The following PUM2 variants were observed in gnomAD, a reference collection of about 807,000 sequenced individuals.
PUM2 encodes pumilio homolog 2.
Under a neutral mutation model 124.5 loss-of-function variants are expected in PUM2, and 57 were observed. The ratio of observed to expected loss-of-function variants is 0.46; its 90% CI spans 0.37 to 0.57. PUM2 has a LOEUF of 0.57. Ranked by LOEUF, PUM2 falls within the 20% of genes least tolerant of loss-of-function variation. The pLI is 0.00. For synonymous variants in PUM2, 460 were observed against 446.1 expected, an observed-to-expected ratio of 1.03 and a Z score of -0.39; for missense variants, 1,065 against 1,290.6, an observed-to-expected ratio of 0.83 and a Z score of 2.68.
rs1686032841 is a variant in PUM2 at position 20,336,395 on chromosome 2, G to T, written c.-18-9017C>A. ...AGACAGGGTTTTGCCATGTTGCCCA[G>T]GCTGGTCTTGAACTCCTGAACTCAA... On this transcript the variant is annotated intron_variant, in intron 1 of 20. Coordinates refer to ENST00000361078, the MANE Select transcript of PUM2 (RefSeq NM_015317.5). 3.3e-5 allele frequency among the ~76,000 whole-genome samples: 5 copies of T among 152,124 alleles called. 2 individuals are homozygous for T. The South Asian group carries it at 1.0e-3, about 32-fold the overall frequency.
intron 10 of PUM2, among the ~76,000 whole-genome samples, chr2:20,287,777 G>A (rs1673074166): frequency 1.3e-5 from 2 of 152,226 alleles, no homozygotes; most frequent in African/African-American, 4.8e-5. Flanking sequence ...ATTGGATGTG[G>A]AGGCACAGAA....
At chr2:20,309,070 T>C (rs1457124407) in intron 5 of PUM2, among the ~76,000 whole-genome samples, 2 of 152,108 alleles carry the variant, frequency 1.3e-5, no homozygotes, top group Non-Finnish European at 2.9e-5. Context: ...AATCTGGCCA[T>C]AAGAGATCAT....
At chr2:20,266,584 T>C (rs1667717184) in intron 13 of PUM2, among the ~76,000 whole-genome samples, 1 of 151,990 alleles carries the variant, frequency 6.6e-6, no homozygotes. Context: ...CAGGGAAGCA[T>C]ACCTTTTCTC....
At chr2:20,331,279 T>C (rs895274740) in intron 1 of PUM2, among the ~76,000 whole-genome samples, 1 of 1,190 alleles carries the variant, frequency 8.4e-4, no homozygotes, top group Non-Finnish European at 1.6e-3. Context: ...ATGTGCTCAG[T>C]TACTAAACGT....
At chr2:20,335,375 C>T (rs1388119122) in intron 1 of PUM2, among the ~76,000 whole-genome samples, 2 of 152,218 alleles carry the variant, frequency 1.3e-5, no homozygotes, top group Non-Finnish European at 2.9e-5. Flanking sequence ...TTTAGCAATG[C>T]TTTTTCTCAT....
intron 1 of PUM2, among the ~76,000 whole-genome samples, chr2:20,340,343 G>C (rs1474081915): frequency 6.6e-6 from 1 of 152,154 alleles, no homozygotes; most frequent in Non-Finnish European, 1.5e-5. Flanking sequence ...TTAACTACCT[G>C]GGTAAAATAC....
rs967393177 is a variant in PUM2 at position 20,250,296 on chromosome 2, A to T, written c.*1289T>A. 2 of 152,564 alleles carry T rather than the reference A, an allele frequency of 1.3e-5. No individual in the cohort carries two copies. Among genetic ancestry groups the T allele is most frequent in the Non-Finnish European group, 2.9e-5 (2 of 68,024 alleles). The allele number at this position is 152,564 out of a possible 1,614,324, so 9.5% of individuals were successfully genotyped here. ...TTCTGAAACCATATAAAGATAAAAA[A>T]TTTTTAAAAAATCACTCTCGATTTG... is the stretch of plus-strand genomic sequence containing the variant. On this transcript the variant is annotated 3_prime_UTR_variant, in exon 21 of 21. Transcript: ENST00000361078.
Position 20,259,125 on chromosome 2 carries a change from TA to T in PUM2, c.2356-755del, listed in dbSNP as rs960267450. On this transcript the variant is annotated intron_variant, in intron 15 of 20. Transcript: ENST00000361078. The stretch of plus-strand genomic sequence containing the variant: ...GATGCTTATAAATTTAAAAATTGGC[TA>T]AACTGTAAAATAACACACATCTATA... 1.9e-3 allele frequency among the ~76,000 whole-genome samples: 285 copies of T among 152,334 alleles called. 7 individuals carry two copies. Among genetic ancestry groups the T allele is most frequent in the Non-Finnish European group, 7.1e-4 (48 of 68,020 alleles).
chr2:20,316,523 T>C (rs910034889), intron 3 of PUM2, among the ~76,000 whole-genome samples: 2 of 151,922 alleles, frequency 1.3e-5, no homozygotes, highest in Admixed American at 1.3e-4. Context: ...AAAATATTTG[T>C]AAAATATATG....
chr2:20,266,420 G>A lies in PUM2; in HGVS notation c.1958-2960C>T, dbSNP rs972100944. ...AGATTGTGCCACTGCACTCCAGCCT[G>A]GACAACAGAGCAAGACCTTGTCTCA... On this transcript the variant is annotated intron_variant, in intron 13 of 20. Coordinates refer to ENST00000361078, the MANE Select transcript of PUM2 (RefSeq NM_015317.5). Among the ~76,000 whole-genome samples the A allele has an allele frequency of 5.3e-5, 8 of 151,114 alleles. No individual in the cohort carries two copies. In the South Asian group the frequency reaches 1.7e-3, roughly 32 times the overall value.
At chr2:20,259,305 A>T (rs1359589282) in intron 15 of PUM2, among the ~76,000 whole-genome samples, 1 of 152,200 alleles carries the variant, frequency 6.6e-6, no homozygotes, top group Non-Finnish European at 1.5e-5. Flanking sequence ...CATTTGAACC[A>T]TTTTTAGCTA....
At chr2:20,265,962 T>A (rs1470597947) in intron 13 of PUM2, among the ~76,000 whole-genome samples, 1 of 152,212 alleles carries the variant, frequency 6.6e-6, no homozygotes, top group East Asian at 1.9e-4. Context: ...CTCCCAAATA[T>A]CCTGCCAATA....
rs531768124 is a variant in PUM2 at position 20,345,895 on chromosome 2, T to C, written c.-19+4702A>G. ...CTCCAAAAAACTTGTGCAGGTATTT[T>C]AGCGTGATGAAAAGACACAATTTTA... On this transcript the variant is annotated intron_variant, in intron 1 of 20. Coordinates refer to ENST00000361078, the MANE Select transcript of PUM2 (RefSeq NM_015317.5). 2.0e-5 allele frequency among the ~76,000 whole-genome samples: 3 copies of C among 152,304 alleles called. No homozygotes were observed. In the East Asian group the frequency reaches 5.8e-4, roughly 29 times the overall value.
intron 2 of PUM2, among the ~76,000 whole-genome samples, chr2:20,324,710 T>TA (rs747391641): frequency 5.3e-5 from 8 of 152,092 alleles, no homozygotes; most frequent in Non-Finnish European, 1.0e-4. Context: ...ACAGAGAGGG[T>TA]AAGTTTATGA....
At chr2:20,292,825 G>A (rs1015090536) in intron 9 of PUM2, among the ~76,000 whole-genome samples, 1 of 152,054 alleles carries the variant, frequency 6.6e-6, no homozygotes, top group African/African-American at 2.4e-5. Context: ...CAGCTACTTG[G>A]GAGGCTGAGG....
chr2:20,308,588 C>T lies in PUM2; in HGVS notation c.519-4G>A. The T allele has an allele frequency of 6.3e-7, 1 of 1,585,288 alleles. No homozygotes were observed. Among genetic ancestry groups the T allele is most frequent in the Non-Finnish European group, 8.6e-7 (1 of 1,168,518 alleles). Reference sequence around the variant, plus strand: ...TTGACGACTTCCAGGAGTACGACTACATAAAGAAAATAGAAAAGCATTATG... The same window carrying T: ...TTGACGACTTCCAGGAGTACGACTATATAAAGAAAATAGAAAAGCATTATG... On this transcript the variant is annotated splice_region_variant and splice_polypyrimidine_tract_variant and intron_variant, in intron 5 of 20. Transcript: ENST00000361078.
At chr2:20,313,023 G>A (rs1463796891) in intron 3 of PUM2, among the ~76,000 whole-genome samples, 1 of 152,192 alleles carries the variant, frequency 6.6e-6, no homozygotes, top group African/African-American at 2.4e-5. Context: ...GTAGAAAGCT[G>A]AAACTGGATC....
intron 8 of PUM2, among the ~76,000 whole-genome samples, chr2:20,295,409 CA>C (rs1675271790): frequency 2.0e-5 from 3 of 151,778 alleles, no homozygotes; most frequent in Admixed American, 2.0e-4. Context: ...ACGTTGCATT[CA>C]AAGGGGAAAA....
chr2:20,349,611 C>G (rs113795643), intron 1 of PUM2, among the ~76,000 whole-genome samples: 2 of 151,944 alleles, frequency 1.3e-5, no homozygotes, highest in African/African-American at 4.8e-5. Flanking sequence ...GAAATCTAAC[C>G]ATTAAACAAG....
Sources: gnomAD v4.1 joint callset for allele counts (sites outside exome capture counted in the v4.1 genomes callset) on GRCh38, gnomAD v4.1.1 for gene constraint, MANE v1.5 for transcripts, NCBI Gene and HGNC (gene_info 2026-07-23, HGNC 2026-07-21) for gene names.